Variants in ADGRL3 observed in about 807,000 individuals in gnomAD.
The protein encoded by ADGRL3 is adhesion G protein-coupled receptor L3.
In ADGRL3, 62 loss-of-function variants were observed where a neutral mutation model predicts 153.5. The ratio of observed to expected loss-of-function variants is 0.40; its 90% CI spans 0.33 to 0.50. ADGRL3 has a LOEUF of 0.50. ADGRL3 is among the 20% of genes least tolerant of loss of function. ADGRL3 has a pLI of 0.47. For missense variants in ADGRL3, 1,641 were observed against 1,859.4 expected (o/e 0.88, Z 2.16); for synonymous variants, 710 against 672.5 (o/e 1.06, Z -0.86).
chr4:61,745,773 C>G (rs1190298122), intron 8 of ADGRL3, among the ~76,000 whole-genome samples: 2 of 152,124 alleles, frequency 1.3e-5, no homozygotes, highest in Non-Finnish European at 1.5e-5. Context: ...TTGTAAAGAC[C>G]ATCGAGGCTA....
Position 62,070,838 on chromosome 4 carries a change from C to T in ADGRL3, c.4562C>T (p.Pro1521Leu), listed in dbSNP as rs535382333. The T allele has an allele frequency of 1.2e-5, 18 of 1,551,580 alleles. No homozygotes were observed. The highest frequency in any genetic ancestry group is 1.6e-5 in the Non-Finnish European group (18 of 1,146,980). The change falls in exon 27 of 27, where the codon CCT becomes CTT. Residue 1521 changes from proline (P) to leucine (L), a missense_variant. This residue lies in a region of ADGRL3 where 517 missense variants were observed against 555.0 expected (regional missense o/e 0.93). Coordinates refer to ENST00000683033, the MANE Select transcript of ADGRL3 (RefSeq NM_001387552.1). ...GGCAGCAGTGATGGATTTATAGTTC[C>T]TCCAAACAAAGATGGGACCCCTCCC... Reference protein sequence around the residue: ...GRGSSDGFIVPPNKDGTPPEG... With the variant: ...GRGSSDGFIVLPNKDGTPPEG...
intron 5 of ADGRL3, among the ~76,000 whole-genome samples, chr4:61,630,501 T>C (rs1343380788): frequency 6.6e-6 from 1 of 152,208 alleles, no homozygotes; most frequent in African/African-American, 2.4e-5. Flanking sequence ...TTGGTTGTTG[T>C]TGTTTATCTT....
intron 9 of ADGRL3, among the ~76,000 whole-genome samples, chr4:61,881,671 C>A (rs764960184): frequency 1.3e-5 from 2 of 152,224 alleles, no homozygotes; most frequent in Admixed American, 6.5e-5. Flanking sequence ...AGCCACCACG[C>A]CTGGCTAATT....
At chr4:61,432,655 T>TCTTCC (rs778203485) in intron 2 of ADGRL3, among the ~76,000 whole-genome samples, 1 of 58,746 alleles carries the variant, frequency 1.7e-5, no homozygotes, top group Admixed American at 1.9e-4. Context: ...TCTTTCTTTC[T>TCTTCC]TTTTTTTTTT....
chr4:61,971,230 A>C (rs532465535), intron 17 of ADGRL3, among the ~76,000 whole-genome samples: 2 of 151,838 alleles, frequency 1.3e-5, no homozygotes, highest in Non-Finnish European at 2.9e-5. Context: ...ATATGTATAC[A>C]TGTGCCATGC....
intron 25 of ADGRL3, 38 bp from the exon 26 acceptor site, chr4:62,068,128 G>T: frequency 6.8e-7 from 1 of 1,460,712 alleles, no homozygotes; most frequent in Non-Finnish European, 9.3e-7. Context: ...AAGCTTACTT[G>T]TTGTTTTTTC....
intron 4 of ADGRL3, among the ~76,000 whole-genome samples, chr4:61,560,982 T>C (rs946767389): frequency 1.3e-5 from 2 of 152,170 alleles, no homozygotes; most frequent in Non-Finnish European, 2.9e-5. Flanking sequence ...GTAAAAGATA[T>C]AGTGTCATAT....
At chr4:61,506,649 T>C (rs2098431556) in intron 3 of ADGRL3, among the ~76,000 whole-genome samples, 1 of 152,152 alleles carries the variant, frequency 6.6e-6, no homozygotes, top group Admixed American at 6.5e-5. Context: ...TCTTCTAAGT[T>C]TGAAAAAATT....
At chr4:61,408,414 C>A (rs2097032316) in intron 2 of ADGRL3, among the ~76,000 whole-genome samples, 1 of 142,476 alleles carries the variant, frequency 7.0e-6, no homozygotes, top group African/African-American at 2.6e-5. Context: ...AGCTGCTGTC[C>A]TTTTTTTTTT....
At chr4:61,369,860 G>A (rs562143299) in intron 1 of ADGRL3, among the ~76,000 whole-genome samples, 2,292 of 152,040 alleles carry the variant, frequency 0.015, 56 homozygotes, top group African/African-American at 0.053. Context: ...ATCTGGTCCT[G>A]GACTCTTTTT....
chr4:61,434,414 T>C (rs2097418104), intron 2 of ADGRL3, among the ~76,000 whole-genome samples: 2 of 152,246 alleles, frequency 1.3e-5, no homozygotes. Flanking sequence ...TGGATATGCA[T>C]GTATACATAT....
chr4:62,027,550 T>A (rs1490078958), intron 21 of ADGRL3, among the ~76,000 whole-genome samples: 1 of 152,000 alleles, frequency 6.6e-6, no homozygotes, highest in Admixed American at 6.6e-5. Context: ...GTTTACCAAC[T>A]TATTTCAGCC....
intron 1 of ADGRL3, among the ~76,000 whole-genome samples, chr4:61,283,504 G>A (rs964789887): frequency 3.3e-5 from 5 of 151,640 alleles, no homozygotes; most frequent in African/African-American, 7.3e-5. Context: ...TGAGATTTGC[G>A]CAGCCTGTCT....
intron 4 of ADGRL3, among the ~76,000 whole-genome samples, chr4:61,521,078 G>A (rs1000524792): frequency 1.3e-5 from 2 of 152,150 alleles, no homozygotes; most frequent in African/African-American, 4.8e-5. Flanking sequence ...GGCCCACACA[G>A]TAGCAACTGT....
intron 15 of ADGRL3, 122 bp from the exon 16 acceptor site, chr4:61,946,792 G>A (rs1415620283): frequency 1.3e-6 from 1 of 761,798 alleles, no homozygotes; most frequent in Non-Finnish European, 2.3e-6. Flanking sequence ...TGGTACTTTG[G>A]TTGAAATGAA....
intron 1 of ADGRL3, among the ~76,000 whole-genome samples, chr4:61,355,094 C>G (rs2096137519): frequency 6.6e-6 from 1 of 152,010 alleles, no homozygotes; most frequent in Admixed American, 6.6e-5. Flanking sequence ...AAGGCCAGTT[C>G]CTTAACTCTC....
chr4:61,464,608 A>G (rs2097858333), intron 2 of ADGRL3, among the ~76,000 whole-genome samples: 4 of 152,208 alleles, frequency 2.6e-5, no homozygotes, highest in Admixed American at 2.6e-4. Context: ...TTATTAAAAA[A>G]TAATACATAA....
At chr4:61,221,687 A>G (rs567104747) in intron 1 of ADGRL3, among the ~76,000 whole-genome samples, 55 of 151,974 alleles carry the variant, frequency 3.6e-4, no homozygotes, top group Non-Finnish European at 7.1e-4. Flanking sequence ...TATTTAATTT[A>G]TTTTTTCTGA....
chr4:61,453,385 A>G (rs1274856569), intron 2 of ADGRL3, among the ~76,000 whole-genome samples: 2 of 152,126 alleles, frequency 1.3e-5, no homozygotes, highest in Admixed American at 1.3e-4. Context: ...ATGTTCACAA[A>G]TATGTTTATA....
Sources: gnomAD v4.1 joint callset for allele counts (sites outside exome capture counted in the v4.1 genomes callset) on GRCh38, gnomAD v4.1.1 for gene constraint, gnomAD v4.1.1 regional missense constraint, MANE v1.5 for transcripts, NCBI Gene and HGNC (gene_info 2026-07-23, HGNC 2026-07-21) for gene names.